Variants in CDIN1 observed in about 807,000 individuals in gnomAD.
CDIN1 encodes the protein CDAN1-interacting nuclease 1.
In CDIN1, 33 loss-of-function variants were observed where a neutral mutation model predicts 45.3. The ratio of observed to expected loss-of-function variants is 0.73; its 90% CI spans 0.55 to 0.97. The LOEUF is 0.97. CDIN1 is among the 50% of genes least tolerant of loss of function. The pLI is 0.00. For synonymous variants in CDIN1, 118 were observed against 124.4 expected, an observed-to-expected ratio of 0.95 and a Z score of 0.34; for missense variants, 303 against 339.4, an observed-to-expected ratio of 0.89 and a Z score of 0.84.
chr15:36,686,003 G>A (rs933078289), intron 5 of CDIN1, among the ~76,000 whole-genome samples: 2 of 151,504 alleles, frequency 1.3e-5, no homozygotes, highest in Non-Finnish European at 3.0e-5. Context: ...TCAGTGTGGC[G>A]ATTCCTCAGG....
At chr15:36,657,531 TGAG>T (rs1047782819) in intron 4 of CDIN1, among the ~76,000 whole-genome samples, 3 of 152,074 alleles carry the variant, frequency 2.0e-5, no homozygotes, top group African/African-American at 7.2e-5. Context: ...CAGAAAAAAT[TGAG>T]GAGAGATGAA....
chr15:36,617,266 C>G, intron 1 of CDIN1: 1 of 1,005,634 alleles, frequency 9.9e-7, no homozygotes, highest in Non-Finnish European at 1.6e-6. Context: ...TAATGCAGAG[C>G]TCTCAGAAGA....
chr15:36,645,630 T>C (rs1289744402), intron 3 of CDIN1, among the ~76,000 whole-genome samples: 1 of 152,082 alleles, frequency 6.6e-6, no homozygotes, highest in Non-Finnish European at 1.5e-5. Context: ...CATATGCTCA[T>C]ATATACATAT....
At chr15:36,757,779 A>T (rs566754931) in intron 10 of CDIN1, among the ~76,000 whole-genome samples, 1 of 152,194 alleles carries the variant, frequency 6.6e-6, no homozygotes, top group East Asian at 1.9e-4. Context: ...TCAGGAGAGC[A>T]GTAGTAGCCT....
intron 7 of CDIN1, chr15:36,696,311 T>C (rs1374248382): frequency 6.6e-6 from 1 of 152,254 alleles, no homozygotes; most frequent in East Asian, 1.9e-4. Context: ...CACAACTCTT[T>C]ACTAAGATGT....
chr15:36,731,217 C>T (rs1163854679), intron 10 of CDIN1, among the ~76,000 whole-genome samples: 2 of 152,106 alleles, frequency 1.3e-5, no homozygotes, highest in Non-Finnish European at 2.9e-5. Context: ...AATGTAATGA[C>T]ACAAAATGCC....
At chr15:36,657,481 A>G (rs181891114) in intron 4 of CDIN1, among the ~76,000 whole-genome samples, 1 of 152,256 alleles carries the variant, frequency 6.6e-6, no homozygotes, top group East Asian at 1.9e-4. Flanking sequence ...TTGCATAGAA[A>G]GAAGCATGGC....
At chr15:36,729,036 A>G (rs1226350999) in intron 10 of CDIN1, among the ~76,000 whole-genome samples, 1 of 152,220 alleles carries the variant, frequency 6.6e-6, no homozygotes, top group Non-Finnish European at 1.5e-5. Context: ...CAGCAACACA[A>G]TGGCCAGAAA....
chr15:36,666,512 G>C (rs2041253999), intron 5 of CDIN1, among the ~76,000 whole-genome samples: 1 of 152,096 alleles, frequency 6.6e-6, no homozygotes, highest in African/African-American at 2.4e-5. Flanking sequence ...CAATGTTCTT[G>C]GTTATATTGT....
At position 36,659,618 on chromosome 15, in the gene CDIN1, GGTTTT is replaced by G. The variant is rs1327264519; in HGVS notation, c.346+1719_346+1723del. 4.0e-5 allele frequency among the ~76,000 whole-genome samples: 6 copies of G among 150,848 alleles called. 1 individual carries two copies. The highest frequency in any genetic ancestry group is 4.0e-4 in the Admixed American group (6 of 15,154). The stretch of plus-strand genomic sequence containing the variant: ...TTCACTGTGAGTTGTTACAGAGTCA[GGTTTT>G]GTTTTTTTTTTTTTTTCCTGAGTAA... On this transcript the variant is annotated intron_variant, in intron 5 of 10. Coordinates refer to ENST00000566621, the MANE Select transcript of CDIN1 (RefSeq NM_001321759.2).
At chr15:36,633,821 G>A (rs1350757553) in intron 1 of CDIN1, among the ~76,000 whole-genome samples, 1 of 150,920 alleles carries the variant, frequency 6.6e-6, no homozygotes, top group African/African-American at 2.4e-5. Flanking sequence ...GCAGTGGTGG[G>A]ATCTTAGCTA....
At chr15:36,751,664 T>C (rs2053474321) in intron 10 of CDIN1, among the ~76,000 whole-genome samples, 1 of 152,106 alleles carries the variant, frequency 6.6e-6, no homozygotes, top group South Asian at 2.1e-4. Context: ...ACCAAAGGAA[T>C]GTTAATCATT....
rs534785652 is a variant in CDIN1, at chr15:36,618,740, C to T, written c.102-25538C>T. 8 of 762,650 alleles carry T rather than the reference C, an allele frequency of 1.0e-5. No homozygotes were observed. In the African/African-American group the frequency reaches 1.1e-4, roughly 10 times the overall value. The allele number at this position is 762,650 out of a possible 1,614,324, so 47.2% of individuals were successfully genotyped here. On this transcript the variant is annotated intron_variant, in intron 1 of 10. Coordinates refer to ENST00000566621, the MANE Select transcript of CDIN1 (RefSeq NM_001321759.2). ...AGTTCTCCATGTGCAGCTGAGCCTACTGCATTAAGCACAACTCAGCCAAAA... is the reference window on the plus strand; with the variant it reads ...AGTTCTCCATGTGCAGCTGAGCCTATTGCATTAAGCACAACTCAGCCAAAA...
intron 10 of CDIN1, among the ~76,000 whole-genome samples, chr15:36,786,190 TG>T (rs1244125428): frequency 6.6e-6 from 1 of 152,230 alleles, no homozygotes; most frequent in African/African-American, 2.4e-5. Flanking sequence ...AGTTCAAAGC[TG>T]TAAGGCTGAA....
chr15:36,745,189 T>C (rs1476460464), intron 10 of CDIN1, among the ~76,000 whole-genome samples: 1 of 152,328 alleles, frequency 6.6e-6, no homozygotes, highest in East Asian at 1.9e-4. Flanking sequence ...GAGCTGTGAT[T>C]CATTTTTACC....
chr15:36,716,504 A>G (rs193248966), intron 10 of CDIN1, among the ~76,000 whole-genome samples: 183 of 152,304 alleles, frequency 1.2e-3, no homozygotes, highest in Admixed American at 2.4e-3. Context: ...TCAGGTCAAA[A>G]TTGATACTAA....
At chr15:36,585,866 A>G (rs750261654) in intron 1 of CDIN1, among the ~76,000 whole-genome samples, 8 of 152,354 alleles carry the variant, frequency 5.3e-5, no homozygotes, top group South Asian at 2.1e-4. Flanking sequence ...ATGTTTTACT[A>G]TAGAGTCTTA....
intron 5 of CDIN1, among the ~76,000 whole-genome samples, chr15:36,666,752 A>G (rs908316039): frequency 2.6e-5 from 4 of 152,108 alleles, no homozygotes. Context: ...TGCCACCTCC[A>G]TGCACTGTCT....
chr15:36,804,687 T>TTTTTTTG (rs2055168348), intron 10 of CDIN1: 1 of 137,954 alleles, frequency 7.2e-6, no homozygotes, highest in African/African-American at 2.7e-5. Flanking sequence ...TTTTTTTTTT[T>TTTTTTTG]TTTTTTTCAG....
Sources: allele counts gnomAD v4.1 joint callset (sites outside exome capture counted in the v4.1 genomes callset), GRCh38; gene constraint gnomAD v4.1.1; transcripts MANE v1.5; gene names NCBI Gene and HGNC (gene_info 2026-07-23, HGNC 2026-07-21).